Variants in ABCC4 observed in about 807,000 individuals in gnomAD.
ABCC4 encodes ATP-binding cassette sub-family C member 4.
A neutral mutation model predicts 168.5 loss-of-function variants in ABCC4; 102 were observed. The ratio of observed to expected loss-of-function variants is 0.61; its 90% CI spans 0.52 to 0.71. The LOEUF is 0.71. ABCC4 is among the 30% of genes least tolerant of loss of function. The pLI is 0.00. For synonymous variants in ABCC4, 617 were observed against 590.7 expected (o/e 1.04, Z -0.65); for missense variants, 1,402 against 1,605.8 (o/e 0.87, Z 2.17).
At position 95,258,210 on chromosome 13, in the gene ABCC4, G is replaced by C. The variant is rs78564266; in HGVS notation, c.75-10457C>G. 1.9e-3 allele frequency among the ~76,000 whole-genome samples: 284 copies of C among 152,270 alleles called. 6 individuals are homozygous for C. Among genetic ancestry groups the C allele is most frequent in the Admixed American group, 0.012 (189 of 15,308 alleles). On this transcript the variant is annotated intron_variant, in intron 1 of 30. Coordinates refer to ENST00000645237, the MANE Select transcript of ABCC4 (RefSeq NM_005845.5). ...CTGTGATCTTTCAATAGAAAAGCCA[G>C]AGTGGATTCTTAAAAATATCATGCC...
chr13:95,185,922 A>C (rs2139617189), intron 11 of ABCC4, among the ~76,000 whole-genome samples: 1 of 152,164 alleles, frequency 6.6e-6, no homozygotes, highest in East Asian at 1.9e-4. Flanking sequence ...TGCACTGTAA[A>C]TTTATCCATG....
At chr13:95,044,127 T>C in intron 28 of ABCC4, 139 bp downstream of exon 28, 1 of 954,464 alleles carries the variant, frequency 1.0e-6, no homozygotes, top group Non-Finnish European at 1.5e-6. Context: ...TCTTTTTTTT[T>C]CAGAATGAAT....
At chr13:95,126,047 A>G (rs1280344774) in intron 19 of ABCC4, among the ~76,000 whole-genome samples, 2 of 152,172 alleles carry the variant, frequency 1.3e-5, no homozygotes, top group African/African-American at 4.8e-5. Context: ...ATTTCAGGGG[A>G]TTCCTAAACC....
chr13:95,105,181 T>G (rs1346196815), intron 20 of ABCC4, among the ~76,000 whole-genome samples: 1 of 152,028 alleles, frequency 6.6e-6, no homozygotes, highest in African/African-American at 2.4e-5. Flanking sequence ...ATCCCTAGCA[T>G]GCACATTTCA....
rs549841958 is a variant in ABCC4, at chr13:95,082,259, T to C, written c.2686+881A>G. ...TTATTAAAAAGTAAAGCAATTCTAC[T>C]CTCCTTATGAGTTTGTGTTTAACAA... On this transcript the variant is annotated intron_variant, in intron 21 of 30. Coordinates refer to ENST00000645237, the MANE Select transcript of ABCC4 (RefSeq NM_005845.5). 2.6e-3 allele frequency among the ~76,000 whole-genome samples: 399 copies of C among 152,280 alleles called. 1 individual carries two copies. Among genetic ancestry groups the C allele is most frequent in the Non-Finnish European group, 4.4e-3 (299 of 68,032 alleles).
At chr13:95,175,363 A>T (rs1191304396) in intron 13 of ABCC4, among the ~76,000 whole-genome samples, 1 of 152,048 alleles carries the variant, frequency 6.6e-6, no homozygotes, top group Non-Finnish European at 1.5e-5. Flanking sequence ...TCCAGGCTGG[A>T]GTGCAATGGC....
At chr13:95,124,562 TAAAAAAAAAAA>T (rs55651091) in intron 19 of ABCC4, among the ~76,000 whole-genome samples, 9 of 121,886 alleles carry the variant, frequency 7.4e-5, no homozygotes, top group Admixed American at 8.4e-5. Flanking sequence ...CCCCCTTTCT[TAAAAAAAAAAA>T]AAAAAAAAAA....
At chr13:95,241,349 A>G (rs2389224) in intron 3 of ABCC4, among the ~76,000 whole-genome samples, 1 of 148,434 alleles carries the variant, frequency 6.7e-6, no homozygotes, top group South Asian at 2.1e-4. Flanking sequence ...TGGTGACAGA[A>G]TGAGACTCCA....
At chr13:95,122,396 T>C (rs1292112234) in intron 19 of ABCC4, among the ~76,000 whole-genome samples, 3 of 152,218 alleles carry the variant, frequency 2.0e-5, no homozygotes, top group African/African-American at 2.4e-5. Flanking sequence ...TGCCTAAACA[T>C]ACAGCATGAA....
Position 95,170,552 on chromosome 13 carries a change from G to C in ABCC4, c.1804C>G (p.Gln602Glu). The change falls in exon 14 of 31, where the codon CAG becomes GAG. Residue 602 changes from glutamine to glutamate, a missense_variant. Physicochemically the swap from Gln to Glu is conservative, Grantham distance 29. This residue lies in a region of ABCC4 where 1,007 missense variants were observed against 1,127.3 expected (regional missense o/e 0.89). Transcript: ENST00000645237. ...CTTACATCTTTCAATATCAGAATCTGACTTGCAGCTTTGAGGTACTGCAAC... is the reference window on the plus strand; with the variant it reads ...CTTACATCTTTCAATATCAGAATCTCACTTGCAGCTTTGAGGTACTGCAAC... ...HQLQYLKAAS[Q>E]ILILKDGKMV... is the part of the protein sequence containing the mutation. 6.2e-7 allele frequency: 1 copy of C among 1,611,146 alleles called. No individual in the cohort carries two copies. The highest frequency in any genetic ancestry group is 1.7e-5 in the Admixed American group (1 of 59,404).
intron 1 of ABCC4, among the ~76,000 whole-genome samples, chr13:95,299,475 T>G (rs534707157): frequency 2.9e-4 from 44 of 152,248 alleles, no homozygotes; most frequent in African/African-American, 1.0e-3. Context: ...ACTCATCCTC[T>G]TGGAATCCCC....
chr13:95,187,148 C>T (rs1557068), intron 10 of ABCC4, among the ~76,000 whole-genome samples: 1 of 152,136 alleles, frequency 6.6e-6, no homozygotes, highest in Non-Finnish European at 1.5e-5. Context: ...TTTCATGCCC[C>T]TAAATGAAAT....
intron 1 of ABCC4, among the ~76,000 whole-genome samples, chr13:95,276,303 T>C (rs1290433340): frequency 4.0e-5 from 6 of 150,940 alleles, no homozygotes; most frequent in African/African-American, 1.5e-4. Flanking sequence ...TGGTCCCAGC[T>C]ATTCCAGAGG....
chr13:95,150,697 TCTC>T (rs1052088808), intron 19 of ABCC4, among the ~76,000 whole-genome samples: 1 of 152,170 alleles, frequency 6.6e-6, no homozygotes, highest in African/African-American at 2.4e-5. Context: ...TTATGTTCTT[TCTC>T]CTATCAATAC....
chr13:95,045,241 G>A (rs897697961), intron 27 of ABCC4, among the ~76,000 whole-genome samples: 2 of 152,206 alleles, frequency 1.3e-5, no homozygotes, highest in Non-Finnish European at 2.9e-5. Context: ...TTTTGGAGAC[G>A]AGTGAGTATA....
rs147173985 is a variant in ABCC4, at chr13:95,079,980, A to T, written c.2686+3160T>A. On this transcript the variant is annotated intron_variant, in intron 21 of 30. Coordinates refer to ENST00000645237, the MANE Select transcript of ABCC4 (RefSeq NM_005845.5). Reference sequence around the variant, plus strand: ...ATCTGAGCCACAGTATCAGAGAGAGAGAATAATCAGAGTTAAAGGTTCTCA... The same window carrying T: ...ATCTGAGCCACAGTATCAGAGAGAGTGAATAATCAGAGTTAAAGGTTCTCA... Among the ~76,000 whole-genome samples, 9 of 152,312 alleles carry T rather than the reference A, an allele frequency of 5.9e-5. No individual in the cohort carries two copies. The East Asian group carries it at 1.5e-3, about 26-fold the overall frequency.
chr13:95,164,428 C>T lies in ABCC4; in HGVS notation c.2125G>A (p.Ala709Thr). Residue 709 changes from alanine to threonine, a missense_variant, in exon 16 of 31, where the codon GCT becomes ACT. Ala to Thr is a moderately conservative substitution (Grantham distance 58, BLOSUM62 0). This residue lies in a region of ABCC4 where 1,007 missense variants were observed against 1,127.3 expected (regional missense o/e 0.89). Transcript: ENST00000645237. ...AGGAAAATGAAGACAATCCAGTGAGCACCAGCTCTGAAGTAATTCTTATAG... is the reference window on the plus strand; with the variant it reads ...AGGAAAATGAAGACAATCCAGTGAGTACCAGCTCTGAAGTAATTCTTATAG... Reference protein sequence around the residue: ...QAYKNYFRAGAHWIVFIFLIL... With the variant: ...QAYKNYFRAGTHWIVFIFLIL... 6.2e-7 allele frequency: 1 copy of T among 1,614,184 alleles called. No individual in the cohort carries two copies. Among genetic ancestry groups the T allele is most frequent in the Non-Finnish European group, 8.5e-7 (1 of 1,180,022 alleles).
intron 8 of ABCC4, 107 bp from the exon 9 acceptor site, chr13:95,195,044 C>A (rs890873829): frequency 4.8e-6 from 4 of 839,864 alleles, no homozygotes; most frequent in Non-Finnish European, 7.7e-6. Flanking sequence ...ATACAGCCTA[C>A]AGATCATTTT....
At chr13:95,076,528 A>T (rs1218727449) in intron 21 of ABCC4, among the ~76,000 whole-genome samples, 1 of 139,426 alleles carries the variant, frequency 7.2e-6, no homozygotes, top group East Asian at 2.1e-4. Flanking sequence ...TTTTTTTAAG[A>T]GGGAGTTGCC....
Sources: gnomAD v4.1 joint callset for allele counts (sites outside exome capture counted in the v4.1 genomes callset) on GRCh38, gnomAD v4.1.1 for gene constraint, gnomAD v4.1.1 regional missense constraint, MANE v1.5 for transcripts, NCBI Gene and HGNC (gene_info 2026-07-23, HGNC 2026-07-21) for gene names.